The following PPP2R2B variants were observed in gnomAD, a reference collection of about 807,000 sequenced individuals.
The protein encoded by PPP2R2B is protein phosphatase 2 regulatory subunit Bbeta, also known as serine/threonine-protein phosphatase 2A 55 kDa regulatory subunit B beta isoform.
A neutral mutation model predicts 46.0 loss-of-function variants in PPP2R2B; 5 were observed. That is an observed-to-expected ratio of 0.11 (90% CI 0.06 to 0.23). The LOEUF (loss-of-function observed/expected upper bound fraction) is 0.23. Ranked by LOEUF, PPP2R2B falls within the 10% of genes least tolerant of loss-of-function variation. The pLI is 1.00. For synonymous variants in PPP2R2B, 215 were observed against 206.7 expected (o/e 1.04, Z -0.34); for missense variants, 367 against 575.0 (o/e 0.64, Z 3.70).
chr5:146,702,098 G>C (rs1281059738), intron 2 of PPP2R2B, among the ~76,000 whole-genome samples: 1 of 150,952 alleles, frequency 6.6e-6, no homozygotes, highest in African/African-American at 2.4e-5. Flanking sequence ...TTATGACTAT[G>C]GCCTTTGACA....
chr5:146,711,196 A>G (rs960132041), intron 2 of PPP2R2B, among the ~76,000 whole-genome samples: 9 of 152,308 alleles, frequency 5.9e-5, no homozygotes, highest in Non-Finnish European at 1.2e-4. Context: ...CTCAGTGCCT[A>G]GCTGAGTCTC....
At chr5:146,685,004 C>T (rs1388715318) in intron 5 of PPP2R2B, among the ~76,000 whole-genome samples, 1 of 152,168 alleles carries the variant, frequency 6.6e-6, no homozygotes, top group Non-Finnish European at 1.5e-5. Flanking sequence ...TAACTTGTCT[C>T]CTCCATGCCC....
intron 2 of PPP2R2B, among the ~76,000 whole-genome samples, chr5:146,856,023 G>A (rs969166097): frequency 1.7e-4 from 26 of 152,102 alleles, no homozygotes; most frequent in African/African-American, 4.3e-4. Flanking sequence ...TTTATTCTTC[G>A]TTATATTCAA....
At chr5:146,739,137 C>T (rs534672737) in intron 2 of PPP2R2B, among the ~76,000 whole-genome samples, 6 of 152,112 alleles carry the variant, frequency 3.9e-5, no homozygotes, top group East Asian at 1.9e-4. Flanking sequence ...CCCCATCCCC[C>T]GAACCTCTTG....
At chr5:146,604,108 G>A (rs1772043741) in intron 7 of PPP2R2B, among the ~76,000 whole-genome samples, 1 of 152,210 alleles carries the variant, frequency 6.6e-6, no homozygotes, top group African/African-American at 2.4e-5. Context: ...TACTCCTAGT[G>A]AGCTCACAGG....
chr5:146,975,471 A>G (rs1244177486), intron 1 of PPP2R2B, among the ~76,000 whole-genome samples: 1 of 152,202 alleles, frequency 6.6e-6, no homozygotes, highest in South Asian at 2.1e-4. Context: ...AAACATGGGT[A>G]TGCAAATATG....
intron 1 of PPP2R2B, among the ~76,000 whole-genome samples, chr5:146,986,456 C>A (rs144738574): frequency 5.9e-5 from 9 of 152,062 alleles, no homozygotes; most frequent in South Asian, 2.1e-4. Context: ...TAAATTGCAG[C>A]GGAAGGCAAA....
intron 1 of PPP2R2B, among the ~76,000 whole-genome samples, chr5:146,923,841 C>A (rs145581075): frequency 6.6e-6 from 1 of 152,228 alleles, no homozygotes; most frequent in Non-Finnish European, 1.5e-5. Context: ...CAGTGATAGA[C>A]TGGATAAAGA....
intron 1 of PPP2R2B, among the ~76,000 whole-genome samples, chr5:147,010,817 A>G (rs1159327251): frequency 6.6e-6 from 1 of 152,004 alleles, no homozygotes; most frequent in African/African-American, 2.4e-5. Context: ...CTCCATATCC[A>G]GTTGGTTCAC....
At chr5:146,606,488 A>G (rs147910327) in intron 7 of PPP2R2B, among the ~76,000 whole-genome samples, 3 of 152,328 alleles carry the variant, frequency 2.0e-5, no homozygotes, top group African/African-American at 7.2e-5. Context: ...GCTTCATTTA[A>G]TGGAGATAAT....
intron 1 of PPP2R2B, among the ~76,000 whole-genome samples, chr5:146,973,233 C>T (rs1005330056): frequency 1.1e-4 from 17 of 152,078 alleles, no homozygotes; most frequent in African/African-American, 3.4e-4. Flanking sequence ...ATTATTTTAT[C>T]GATGTGCAAT....
chr5:146,670,684 C>T (rs970928885), intron 5 of PPP2R2B, among the ~76,000 whole-genome samples: 5 of 151,660 alleles, frequency 3.3e-5, no homozygotes, highest in African/African-American at 1.2e-4. Flanking sequence ...TTAGTGGAGA[C>T]GGGGTTTCAT....
intron 1 of PPP2R2B, among the ~76,000 whole-genome samples, chr5:147,048,705 G>T (rs1220468223): frequency 6.6e-6 from 1 of 152,106 alleles, no homozygotes; most frequent in African/African-American, 2.4e-5. Flanking sequence ...AGTAATGGAA[G>T]GTCATCCAGC....
At position 146,832,379 on chromosome 5, in the gene PPP2R2B, CTTTTTTTTT is replaced by C. The variant is rs34269274; in HGVS notation, c.70+45614_70+45622del. On this transcript the variant is annotated intron_variant, in intron 2 of 9. Transcript: ENST00000394411. ...CACAAGTAAGTGTGCCATTTTTAAT[CTTTTTTTTT>C]TTTTTTTTTTTTTTTTTTTTGAGAC... Among the ~76,000 whole-genome samples, 10 of 70,196 alleles carry C rather than the reference CTTTTTTTTT, an allele frequency of 1.4e-4. No homozygotes were observed. In the South Asian group the frequency reaches 3.9e-3, roughly 27 times the overall value. 46.1% of individuals were successfully genotyped at this position (70,196 alleles called of 152,430 possible).
chr5:146,998,500 C>A (rs1021092870), intron 1 of PPP2R2B, among the ~76,000 whole-genome samples: 11 of 152,152 alleles, frequency 7.2e-5, no homozygotes, highest in Non-Finnish European at 1.3e-4. Flanking sequence ...TGCTTCAGAG[C>A]TTTTCCTGAA....
At chr5:147,018,785 A>G (rs1755125650) in intron 1 of PPP2R2B, among the ~76,000 whole-genome samples, 1 of 152,140 alleles carries the variant, frequency 6.6e-6, no homozygotes, top group Non-Finnish European at 1.5e-5. Flanking sequence ...TTTAAAACAA[A>G]TATTTAGTGA....
At chr5:146,670,411 A>T (rs1203276366) in intron 5 of PPP2R2B, among the ~76,000 whole-genome samples, 1 of 152,022 alleles carries the variant, frequency 6.6e-6, no homozygotes, top group African/African-American at 2.4e-5. Flanking sequence ...AAATTAGAAT[A>T]GTGTTTTCTA....
chr5:146,773,945 C>T (rs1755021491), intron 2 of PPP2R2B, among the ~76,000 whole-genome samples: 1 of 152,140 alleles, frequency 6.6e-6, no homozygotes, highest in Non-Finnish European at 1.5e-5. Flanking sequence ...TATCTGTAAA[C>T]ATTCCCACTG....
chr5:146,670,556 C>T (rs547629904), intron 5 of PPP2R2B, among the ~76,000 whole-genome samples: 6 of 151,782 alleles, frequency 4.0e-5, no homozygotes, highest in South Asian at 2.1e-4. Flanking sequence ...AGTGCAGTGG[C>T]GCAATGTCGG....
Sources: gnomAD v4.1 joint callset for allele counts (sites outside exome capture counted in the v4.1 genomes callset) on GRCh38, gnomAD v4.1.1 for gene constraint, MANE v1.5 for transcripts, NCBI Gene and HGNC (gene_info 2026-07-23, HGNC 2026-07-21) for gene names.